CCDC82: variants seen among roughly 807,000 people sequenced by gnomAD.
CCDC82 encodes the protein coiled-coil domain containing 82.
CCDC82 carries 47 observed loss-of-function variants against 60.6 expected under a neutral mutation model. The observed-to-expected ratio is 0.77, with a 90% CI of 0.61 to 0.99. The LOEUF (loss-of-function observed/expected upper bound fraction) is 0.99. Among genes scored for constraint, CCDC82 ranks in the 50% least tolerant of loss-of-function variants. CCDC82 has a pLI of 0.00. For missense variants in CCDC82, 588 were observed against 633.0 expected (o/e 0.93, Z 0.76); for synonymous variants, 212 against 207.4 (o/e 1.02, Z -0.19).
chr11:96,381,096 A>C (rs1185932661), intron 5 of CCDC82: 1 of 151,646 alleles, frequency 6.6e-6, no homozygotes, highest in African/African-American at 2.4e-5. Context: ...TGTAACTCCA[A>C]AAGTGCCCTT....
intron 6 of CCDC82, among the ~76,000 whole-genome samples, chr11:96,372,677 T>C (rs1865341546): frequency 6.9e-6 from 1 of 144,504 alleles, no homozygotes; most frequent in Admixed American, 7.0e-5. Context: ...TAAACATATA[T>C]AAATATAAAT....
At chr11:96,364,190 T>C (rs534644870) in intron 8 of CCDC82, 17 of 152,254 alleles carry the variant, frequency 1.1e-4, no homozygotes, top group Non-Finnish European at 1.3e-4. Context: ...TAAAAAGTCA[T>C]AGATCAGTTT....
chr11:96,379,702 C>T (rs910662060), intron 5 of CCDC82, among the ~76,000 whole-genome samples: 2 of 151,782 alleles, frequency 1.3e-5, no homozygotes, highest in African/African-American at 4.8e-5. Context: ...TATCACCACC[C>T]AAAACTCCTT....
chr11:96,383,457 G>A lies in CCDC82; in HGVS notation c.803C>T (p.Ser268Phe). ...GRDFEDSEKE[S>F]CPSSDEVDEE... ...ATCAACTTCATCACTGCTTGGGCAAGATTCCTTTTCAGAGTCCTAATTAAA... is the reference window on the plus strand; with the variant it reads ...ATCAACTTCATCACTGCTTGGGCAAAATTCCTTTTCAGAGTCCTAATTAAA... The change falls in exon 5 of 10, where the codon TCT becomes TTT. Residue 268 changes from serine to phenylalanine, a missense_variant. By Grantham distance (155) the Ser-to-Phe change is radical (BLOSUM62 -2). Transcript: ENST00000646818. 1 of 1,601,904 alleles carries A rather than the reference G, an allele frequency of 6.2e-7. No individual in the cohort carries two copies. The highest frequency in any genetic ancestry group is 8.5e-7 in the Non-Finnish European group (1 of 1,174,596).
chr11:96,387,573 C>T lies in CCDC82; in HGVS notation c.-98G>A, dbSNP rs538521583. The T allele has an allele frequency of 6.6e-5, 10 of 152,206 alleles. No individual in the cohort carries two copies. Among genetic ancestry groups the T allele is most frequent in the Admixed American group, 2.0e-4 (3 of 15,286 alleles). 9.4% of individuals were successfully genotyped at this position (152,206 alleles called of 1,614,324 possible). A position where few individuals can be genotyped will look rare whatever the true frequency, so the allele number is the denominator to read the frequency against. On this transcript the variant is annotated 5_prime_UTR_variant, in exon 2 of 10. Transcript: ENST00000646818. ...TTAGTGACAGAGCAGGGATTAGAAACCGGGTCTCTTGATTCCCCGTCCAGT... is the reference window on the plus strand; with the variant it reads ...TTAGTGACAGAGCAGGGATTAGAAATCGGGTCTCTTGATTCCCCGTCCAGT...
chr11:96,378,349 T>G (rs1488547412), intron 5 of CCDC82, among the ~76,000 whole-genome samples: 1 of 152,086 alleles, frequency 6.6e-6, no homozygotes. Flanking sequence ...TTTCTTTTAA[T>G]GAAACACTTT....
chr11:96,385,490 GT>G, intron 3 of CCDC82: 1 of 152,418 alleles, frequency 6.6e-6, no homozygotes. Flanking sequence ...AAGTTATAAA[GT>G]AACAAATGAC....
At chr11:96,376,262 T>C (rs542049499) in intron 5 of CCDC82, among the ~76,000 whole-genome samples, 6 of 152,288 alleles carry the variant, frequency 3.9e-5, no homozygotes, top group African/African-American at 1.4e-4. Flanking sequence ...CTGTCATTCT[T>C]TAGAATTGTT....
chr11:96,389,836 G>C lies in CCDC82; in HGVS notation c.-139+8C>G, dbSNP rs960365208. 9.8e-5 allele frequency: 15 copies of C among 153,452 alleles called. No individual in the cohort carries two copies. The highest frequency in any genetic ancestry group is 3.4e-4 in the African/African-American group (14 of 41,500). The allele number at this position is 153,452 out of a possible 1,614,324, so 9.5% of individuals were successfully genotyped here. On this transcript the variant is annotated splice_region_variant and intron_variant, in intron 1 of 9. Coordinates refer to ENST00000646818, the MANE Select transcript of CCDC82 (RefSeq NM_024725.4). ...GGAGACAGCCCCGCACCGCCCTCGC[G>C]CTCTCACCTTTCAAAGCGCCTCCAC...
At position 96,353,692 on chromosome 11, in the gene CCDC82, T is replaced by C; in HGVS notation, c.1589A>G (p.Tyr530Cys). The C allele has an allele frequency of 6.2e-7, 1 of 1,610,608 alleles. No homozygotes were observed. Among genetic ancestry groups the C allele is most frequent in the Non-Finnish European group, 8.5e-7 (1 of 1,178,554 alleles). Reference sequence around the variant, plus strand: ...TTGAAAGTAATCCGCAAAATTGAGATATTCTTCAAGTTGACCATATTTCTG... The same window carrying C: ...TTGAAAGTAATCCGCAAAATTGAGACATTCTTCAAGTTGACCATATTTCTG... ...IKEKYGQLEE[Y>C]LNFADYFQEE... The change falls in exon 10 of 10, where the codon TAT (tyrosine) becomes TGT (cysteine). Residue 530 changes from tyrosine (Y) to cysteine (C), a missense_variant. Physicochemically the swap from Tyr to Cys is radical, Grantham distance 194. Transcript: ENST00000646818.
chr11:96,352,957 T>C lies in CCDC82; in HGVS notation c.*689A>G, dbSNP rs933428251. 1.3e-5 allele frequency: 2 copies of C among 152,076 alleles called. No individual in the cohort carries two copies. The highest frequency in any genetic ancestry group is 4.8e-5 in the African/African-American group (2 of 41,428). The allele number at this position is 152,076 out of a possible 1,614,324, so 9.4% of individuals were successfully genotyped here. The stretch of plus-strand genomic sequence containing the variant: ...TAAAAATAAATAAAATACATCTTAA[T>C]CATCAATATATAGACAAAATTGAAT... On this transcript the variant is annotated 3_prime_UTR_variant, in exon 10 of 10. Transcript: ENST00000646818.
intron 5 of CCDC82, among the ~76,000 whole-genome samples, chr11:96,375,444 T>G (rs994935607): frequency 2.0e-5 from 3 of 152,198 alleles, no homozygotes; most frequent in Non-Finnish European, 4.4e-5. Flanking sequence ...AAGGCACCTA[T>G]TTCATTATGC....
intron 6 of CCDC82, 65 bp from the exon 7 acceptor site, chr11:96,371,202 A>C: frequency 8.9e-7 from 1 of 1,127,028 alleles, no homozygotes; most frequent in Non-Finnish European, 1.2e-6. Context: ...ACTATTTAAT[A>C]CTTAAAAATT....
chr11:96,370,799 T>A (rs545958079), intron 7 of CCDC82, among the ~76,000 whole-genome samples: 1 of 152,350 alleles, frequency 6.6e-6, no homozygotes, highest in East Asian at 1.9e-4. Flanking sequence ...GTTCTGAAGT[T>A]ATTCATCATT....
intron 5 of CCDC82, chr11:96,382,135 A>G (rs2136195255): frequency 6.6e-6 from 1 of 151,986 alleles, no homozygotes; most frequent in East Asian, 1.9e-4. Context: ...GGTTGTTTTG[A>G]GGGAAAAACA....
chr11:96,357,485 C>A (rs1434247500), intron 9 of CCDC82: 2 of 984,828 alleles, frequency 2.0e-6, no homozygotes, highest in Admixed American at 6.2e-5. Flanking sequence ...AAGTGTTATG[C>A]ATAAAGAATA....
chr11:96,357,856 T>C (rs1290242721), intron 9 of CCDC82: 2 of 985,142 alleles, frequency 2.0e-6, no homozygotes, highest in Non-Finnish European at 2.4e-6. Context: ...GAGAAGCATT[T>C]GGAGTAGGAG....
chr11:96,377,820 C>G (rs939882922), intron 5 of CCDC82, among the ~76,000 whole-genome samples: 2 of 151,978 alleles, frequency 1.3e-5, no homozygotes, highest in African/African-American at 4.8e-5. Context: ...CTATTTTCAT[C>G]AATTTATTAG....
intron 7 of CCDC82, among the ~76,000 whole-genome samples, chr11:96,368,544 A>AG (rs1865070824): frequency 6.6e-6 from 1 of 152,148 alleles, no homozygotes; most frequent in Non-Finnish European, 1.5e-5. Context: ...CTTTGAAGCC[A>AG]GGCATTTACT....
Sources: allele counts gnomAD v4.1 joint callset (sites outside exome capture counted in the v4.1 genomes callset), GRCh38; gene constraint gnomAD v4.1.1; transcripts MANE v1.5; gene names NCBI Gene and HGNC (gene_info 2026-07-23, HGNC 2026-07-21).